The following GNA14 variants were observed in gnomAD, a reference collection of about 807,000 sequenced individuals.
GNA14 encodes the protein guanine nucleotide-binding protein subunit alpha-14.
GNA14 carries 50 observed loss-of-function variants against 42.0 expected under a neutral mutation model. The ratio of observed to expected loss-of-function variants is 1.19; its 90% CI spans 0.95 to 1.51. GNA14 has a LOEUF of 1.51. Among genes scored for constraint, GNA14 ranks in the 40% most tolerant of loss-of-function variants. GNA14 has a pLI of 0.00. For synonymous variants in GNA14, 173 were observed against 163.1 expected, an observed-to-expected ratio of 1.06 and a Z score of -0.46; for missense variants, 473 against 446.2, an observed-to-expected ratio of 1.06 and a Z score of -0.54.
At chr9:77,516,583 G>A (rs1252569433) in intron 2 of GNA14, among the ~76,000 whole-genome samples, 1 of 152,086 alleles carries the variant, frequency 6.6e-6, no homozygotes, top group African/African-American at 2.4e-5. Flanking sequence ...AAAATTAGAT[G>A]GGTGTGGTGG....
chr9:77,629,730 G>T (rs996314270), intron 1 of GNA14, among the ~76,000 whole-genome samples: 9 of 152,154 alleles, frequency 5.9e-5, no homozygotes, highest in Admixed American at 6.5e-5. Flanking sequence ...GTTCTGTCAG[G>T]GGGTAGGGAG....
At position 77,474,861 on chromosome 9, in the gene GNA14, TAAG is replaced by T. The variant is rs534189457; in HGVS notation, c.310-40342_310-40340del. Among the ~76,000 whole-genome samples the T allele has an allele frequency of 1.9e-3, 285 of 152,220 alleles. 1 individual carries two copies. The highest frequency in any genetic ancestry group is 6.7e-3 in the African/African-American group (278 of 41,490). On this transcript the variant is annotated intron_variant, in intron 2 of 6. Transcript: ENST00000341700. ...TACAGGTTACAAAGTAGATAAGCCT[TAAG>T]AACATTATGCTAAGTGAAAAAATCC...
At chr9:77,595,427 A>T (rs1823449455) in intron 1 of GNA14, among the ~76,000 whole-genome samples, 1 of 151,972 alleles carries the variant, frequency 6.6e-6, no homozygotes, top group Non-Finnish European at 1.5e-5. Context: ...ACCACCATTT[A>T]TTGAGGGCTG....
intron 1 of GNA14, among the ~76,000 whole-genome samples, chr9:77,585,067 C>T (rs116248070): frequency 0.013 from 1,960 of 152,214 alleles, 42 homozygotes; most frequent in African/African-American, 0.045. Context: ...AATGCCGAAC[C>T]ATCTGGAAAT....
At chr9:77,591,360 G>A (rs1823389011) in intron 1 of GNA14, among the ~76,000 whole-genome samples, 1 of 152,218 alleles carries the variant, frequency 6.6e-6, no homozygotes, top group African/African-American at 2.4e-5. Flanking sequence ...GTTACAGGAA[G>A]ATAGAGTACT....
At chr9:77,601,319 T>C (rs576633182) in intron 1 of GNA14, among the ~76,000 whole-genome samples, 4 of 152,316 alleles carry the variant, frequency 2.6e-5, no homozygotes, top group Admixed American at 1.3e-4. Flanking sequence ...AGCAAAAAGA[T>C]CTAGTGTTCT....
At chr9:77,570,113 G>A (rs566172299) in intron 1 of GNA14, among the ~76,000 whole-genome samples, 10 of 152,176 alleles carry the variant, frequency 6.6e-5, no homozygotes, top group African/African-American at 2.2e-4. Flanking sequence ...ATTGTATTTC[G>A]ATTAATTTTT....
At chr9:77,513,795 A>C (rs1837207798) in intron 2 of GNA14, among the ~76,000 whole-genome samples, 1 of 152,242 alleles carries the variant, frequency 6.6e-6, no homozygotes, top group Non-Finnish European at 1.5e-5. Context: ...GTTATGAGCC[A>C]TGCTCTCTAT....
At chr9:77,615,836 T>A (rs1162891837) in intron 1 of GNA14, among the ~76,000 whole-genome samples, 1 of 149,128 alleles carries the variant, frequency 6.7e-6, no homozygotes, top group African/African-American at 2.6e-5. Context: ...AATCATCAGT[T>A]CTTTTGGTTT....
chr9:77,597,515 A>T (rs557239103), intron 1 of GNA14, among the ~76,000 whole-genome samples: 85 of 152,130 alleles, frequency 5.6e-4, no homozygotes, highest in African/African-American at 1.9e-3. Flanking sequence ...CCCAATTCAA[A>T]TGATTCTTTT....
At chr9:77,527,072 C>A (rs10113908) in intron 2 of GNA14, among the ~76,000 whole-genome samples, 72,755 of 151,984 alleles carry the variant, frequency 0.48, 18,114 homozygotes, top group Admixed American at 0.58. Flanking sequence ...TGTTTACAAA[C>A]CCATCCTTGA....
intron 1 of GNA14, among the ~76,000 whole-genome samples, chr9:77,560,824 A>G (rs148963875): frequency 2.0e-5 from 3 of 152,018 alleles, no homozygotes; most frequent in African/African-American, 7.2e-5. Flanking sequence ...CTTATTTTCT[A>G]TTTCCTCCAA....
chr9:77,586,922 G>A (rs1823314035), intron 1 of GNA14, among the ~76,000 whole-genome samples: 1 of 151,334 alleles, frequency 6.6e-6, no homozygotes, highest in South Asian at 2.1e-4. Context: ...GCATTCACCC[G>A]TGCAAGCTTC....
chr9:77,434,928 A>C (rs1028347171), intron 2 of GNA14, among the ~76,000 whole-genome samples: 5 of 152,154 alleles, frequency 3.3e-5, no homozygotes, highest in African/African-American at 1.2e-4. Flanking sequence ...TAAAAATGGC[A>C]CACCAAGGTT....
intron 2 of GNA14, among the ~76,000 whole-genome samples, chr9:77,476,722 GA>G (rs1011861369): frequency 8.5e-5 from 13 of 152,196 alleles, no homozygotes; most frequent in Admixed American, 7.9e-4. Context: ...GGAGTAACAA[GA>G]AAATTTGAGA....
chr9:77,563,928 A>G (rs962585540), intron 1 of GNA14, among the ~76,000 whole-genome samples: 5 of 152,194 alleles, frequency 3.3e-5, no homozygotes, highest in African/African-American at 1.2e-4. Context: ...TCTCTTGACT[A>G]AACTTGTCAT....
At chr9:77,431,250 G>A (rs1835546757) in intron 4 of GNA14, 71 bp downstream of exon 4, 24 of 1,401,238 alleles carry the variant, frequency 1.7e-5, no homozygotes, top group African/African-American at 2.8e-5. Flanking sequence ...GGAATAACAC[G>A]TTTAAGAATC....
In GNA14 at chr9:77,529,143, T is replaced by C. The variant is rs376953908; in HGVS notation, c.235A>G (p.Ile79Val). The C allele has an allele frequency of 5.1e-5, 82 of 1,614,074 alleles. No individual in the cohort carries two copies. The highest frequency in any genetic ancestry group is 5.0e-5 in the Admixed American group (3 of 60,010). The stretch of plus-strand genomic sequence containing the variant: ...ATCATGGCTTGCATGGCGGTGAATA[T>C]GTTTTGGTAAACCAGCTTCGTGAAC... ...KGFTKLVYQNIFTAMQAMIRA... is the reference protein window; with the variant it reads ...KGFTKLVYQNVFTAMQAMIRA... Residue 79 changes from isoleucine to valine, a missense_variant, in exon 2 of 7, where the codon ATA (isoleucine) becomes GTA (valine). By Grantham distance (29) the Ile-to-Val change is conservative. Transcript: ENST00000341700.
chr9:77,482,066 T>C (rs1455379605), intron 2 of GNA14, among the ~76,000 whole-genome samples: 6 of 152,214 alleles, frequency 3.9e-5, no homozygotes, highest in Admixed American at 3.9e-4. Context: ...GTTAATACTG[T>C]TATGTGTGAA....
Sources: allele counts gnomAD v4.1 joint callset (sites outside exome capture counted in the v4.1 genomes callset), GRCh38; gene constraint gnomAD v4.1.1; transcripts MANE v1.5; gene names NCBI Gene and HGNC (gene_info 2026-07-23, HGNC 2026-07-21).